The following ROBO2 variants were observed in gnomAD, a reference collection of about 807,000 sequenced individuals.
ROBO2 encodes the protein roundabout guidance receptor 2.
ROBO2 carries 53 observed loss-of-function variants against 160.8 expected under a neutral mutation model. The observed-to-expected ratio is 0.33, with a 90% confidence interval of 0.26 to 0.41. The LOEUF (loss-of-function observed/expected upper bound fraction) is 0.41, where lower values mean the gene tolerates loss of function less well. ROBO2 is among the 10% of genes least tolerant of loss of function. The probability of loss-of-function intolerance (pLI) is 1.00; values close to 1 mark genes in which losing one functional copy is unlikely to be tolerated. For synonymous variants in ROBO2, 664 were observed against 611.7 expected, an observed-to-expected ratio of 1.09 and a Z score of -1.26; for missense variants, 1,577 against 1,722.4, an observed-to-expected ratio of 0.92 and a Z score of 1.49.
chr3:77,246,361 T>TGTGTGTG (rs1560333033), intron 2 of ROBO2, among the ~76,000 whole-genome samples: 4 of 71,148 alleles, frequency 5.6e-5, no homozygotes, highest in Non-Finnish European at 8.8e-5. Context: ...GTGTGTGTGT[T>TGTGTGTG]TTGCATGTTG....
At chr3:76,603,296 C>A (rs2087310387) in intron 2 of ROBO2, among the ~76,000 whole-genome samples, 1 of 135,776 alleles carries the variant, frequency 7.4e-6, no homozygotes, top group Non-Finnish European at 1.5e-5. Flanking sequence ...TGCGCCACTG[C>A]ACTCCAGCCT....
chr3:77,549,311 G>T (rs1319264789), intron 7 of ROBO2, among the ~76,000 whole-genome samples: 1 of 151,922 alleles, frequency 6.6e-6, no homozygotes, highest in Non-Finnish European at 1.5e-5. Flanking sequence ...GGCTAATTGT[G>T]GGAAAGTGTG....
chr3:77,067,522 A>G (rs1336645240), intron 1 of ROBO2, among the ~76,000 whole-genome samples: 2 of 152,220 alleles, frequency 1.3e-5, no homozygotes, highest in Non-Finnish European at 2.9e-5. Context: ...TGAATTGGAT[A>G]TGCATAACAG....
rs1287989480 is a variant in ROBO2, at chr3:75,955,637, A to G, written c.109+18035A>G. ...ACCCTAAAACTTAAAGTATAATAATAAAAAAAAAGATAATGTTTGCAAAGA... is the reference window on the plus strand; with the variant it reads ...ACCCTAAAACTTAAAGTATAATAATGAAAAAAAAGATAATGTTTGCAAAGA... On this transcript the variant is annotated intron_variant, in intron 2 of 26. Coordinates refer to the ROBO2 transcript ENST00000487694. 3.3e-5 allele frequency among the ~76,000 whole-genome samples: 5 copies of G among 151,000 alleles called. No homozygotes were observed. In the East Asian group the frequency reaches 9.8e-4, roughly 30 times the overall value.
At chr3:76,257,194 A>T (rs1332561311) in intron 2 of ROBO2, among the ~76,000 whole-genome samples, 1 of 152,158 alleles carries the variant, frequency 6.6e-6, no homozygotes, top group Non-Finnish European at 1.5e-5. Context: ...CAGAATATAC[A>T]ATGAAACTGT....
At chr3:76,256,554 A>G (rs1258999105) in intron 2 of ROBO2, among the ~76,000 whole-genome samples, 1 of 151,862 alleles carries the variant, frequency 6.6e-6, no homozygotes, top group East Asian at 1.9e-4. Flanking sequence ...AAAAAATAAA[A>G]GCAAAAATTA....
chr3:76,788,949 G>T (rs909782382), intron 2 of ROBO2, among the ~76,000 whole-genome samples: 5 of 151,560 alleles, frequency 3.3e-5, no homozygotes, highest in African/African-American at 1.2e-4. Context: ...TTCAGTGACT[G>T]TTGGTAATCC....
At chr3:76,698,708 T>A (rs952634994) in intron 2 of ROBO2, among the ~76,000 whole-genome samples, 7 of 152,220 alleles carry the variant, frequency 4.6e-5, no homozygotes, top group African/African-American at 1.7e-4. Flanking sequence ...TCTGGAATAC[T>A]TGTGTGGAGA....
chr3:77,372,300 G>C (rs911899199), intron 2 of ROBO2, among the ~76,000 whole-genome samples: 14 of 152,270 alleles, frequency 9.2e-5, no homozygotes, highest in African/African-American at 3.4e-4. Flanking sequence ...AAACGGAAAA[G>C]AGATGCATAA....
At chr3:76,890,605 G>T (rs1347646314) in intron 2 of ROBO2, among the ~76,000 whole-genome samples, 1 of 151,872 alleles carries the variant, frequency 6.6e-6, no homozygotes, top group African/African-American at 2.4e-5. Flanking sequence ...AGATTAGACG[G>T]GTAAATATAT....
At chr3:77,252,791 G>A (rs2090485168) in intron 2 of ROBO2, among the ~76,000 whole-genome samples, 1 of 59,224 alleles carries the variant, frequency 1.7e-5, no homozygotes, top group Non-Finnish European at 3.5e-5. Context: ...CTGGGCAGCA[G>A]AGCAAGACTC....
At chr3:76,371,032 A>G (rs2076074466) in intron 2 of ROBO2, among the ~76,000 whole-genome samples, 1 of 151,864 alleles carries the variant, frequency 6.6e-6, no homozygotes, top group Admixed American at 6.6e-5. Flanking sequence ...TAGTTACATA[A>G]TTAGACTCAT....
rs75448719 is a variant in ROBO2, at chr3:77,075,413, T to G, written c.62-22601T>G. 1.5e-3 allele frequency among the ~76,000 whole-genome samples: 223 copies of G among 152,232 alleles called. 1 individual carries two copies. Among genetic ancestry groups the G allele is most frequent in the African/African-American group, 5.0e-3 (208 of 41,524 alleles). On this transcript the variant is annotated intron_variant, in intron 1 of 25. Coordinates refer to ENST00000461745, the Ensembl canonical transcript of ROBO2. Reference sequence around the variant, plus strand: ...TGTCACCGAGGCTAGACACTACCTGTTGAGATTATTTGAGATTCCTGTTCT... The same window carrying G: ...TGTCACCGAGGCTAGACACTACCTGGTGAGATTATTTGAGATTCCTGTTCT...
At chr3:77,623,943 A>T (rs1021209986) in intron 23 of ROBO2, among the ~76,000 whole-genome samples, 1 of 152,172 alleles carries the variant, frequency 6.6e-6, no homozygotes, top group Non-Finnish European at 1.5e-5. Flanking sequence ...GCCATTTTGC[A>T]CTTTTACATG....
At chr3:77,431,544 G>T (rs1190279595) in intron 2 of ROBO2, among the ~76,000 whole-genome samples, 2 of 152,090 alleles carry the variant, frequency 1.3e-5, no homozygotes, top group Non-Finnish European at 2.9e-5. Flanking sequence ...GACCCTACTT[G>T]CACATTATGC....
intron 2 of ROBO2, among the ~76,000 whole-genome samples, chr3:75,982,250 T>C (rs2065299703): frequency 6.6e-6 from 1 of 151,524 alleles, no homozygotes; most frequent in African/African-American, 2.4e-5. Flanking sequence ...AGATATCTCT[T>C]TGATTTACTC....
At chr3:76,852,480 C>A (rs926734692) in intron 2 of ROBO2, among the ~76,000 whole-genome samples, 6 of 151,956 alleles carry the variant, frequency 3.9e-5, no homozygotes, top group Admixed American at 6.6e-5. Context: ...TGTTGATTTG[C>A]CTGAAGAAGT....
intron 2 of ROBO2, among the ~76,000 whole-genome samples, chr3:76,513,519 C>T (rs1156398900): frequency 6.6e-6 from 1 of 152,078 alleles, no homozygotes; most frequent in African/African-American, 2.4e-5. Flanking sequence ...CCACGCCTGG[C>T]GTGGCCTCCC....
At chr3:76,296,254 A>G (rs1159136626) in intron 2 of ROBO2, among the ~76,000 whole-genome samples, 3 of 152,234 alleles carry the variant, frequency 2.0e-5, no homozygotes, top group Admixed American at 2.0e-4. Flanking sequence ...CTAAAGCCCC[A>G]GAGAAAGCTT....
Sources: gnomAD v4.1 joint callset for allele counts (sites outside exome capture counted in the v4.1 genomes callset) on GRCh38, gnomAD v4.1.1 for gene constraint, MANE v1.5 for transcripts, NCBI Gene and HGNC (gene_info 2026-07-23, HGNC 2026-07-21) for gene names.